The following PPARGC1A variants were observed in gnomAD, a reference collection of about 807,000 sequenced individuals.
PPARGC1A encodes peroxisome proliferator-activated receptor gamma coactivator 1-alpha.
In PPARGC1A, 25 loss-of-function variants were observed where a neutral mutation model predicts 88.7. The observed-to-expected ratio is 0.28, with a 90% CI of 0.21 to 0.39. The LOEUF (loss-of-function observed/expected upper bound fraction) is 0.39. PPARGC1A is among the 10% of genes least tolerant of loss of function. The pLI, the probability that PPARGC1A is intolerant of heterozygous loss-of-function variation, is 1.00. For synonymous variants in PPARGC1A, 363 were observed against 355.6 expected (o/e 1.02, Z -0.24); for missense variants, 880 against 968.7 (o/e 0.91, Z 1.22).
the PPARGC1A span, among the ~76,000 whole-genome samples, chr4:24,042,108 T>A: frequency 1.3e-5 from 2 of 152,180 alleles, no homozygotes; most frequent in East Asian, 3.9e-4. Context: ...TCAAGTGCCA[T>A]CTGGACAACT....
intron 1 of PPARGC1A, among the ~76,000 whole-genome samples, chr4:23,887,701 A>T (rs377498686): frequency 6.6e-6 from 1 of 152,334 alleles, no homozygotes; most frequent in East Asian, 1.9e-4. Flanking sequence ...AATTAAGTAT[A>T]ATTCTCCATT....
chr4:24,027,221 GTGTGTC>G, the PPARGC1A span, among the ~76,000 whole-genome samples: 165 of 120,446 alleles, frequency 1.4e-3, 3 homozygotes, highest in African/African-American at 3.1e-3. Context: ...GTGTGTGTCT[GTGTGTC>G]TGTGTGTGTC....
the PPARGC1A span, among the ~76,000 whole-genome samples, chr4:24,326,880 T>C: frequency 6.6e-6 from 1 of 152,172 alleles, no homozygotes; most frequent in South Asian, 2.1e-4. Flanking sequence ...TTAATACTTT[T>C]AGAGGCCTTT....
the PPARGC1A span, among the ~76,000 whole-genome samples, chr4:23,948,390 G>T: frequency 6.6e-6 from 1 of 152,164 alleles, no homozygotes; most frequent in African/African-American, 2.4e-5. Flanking sequence ...TAAGACTCCT[G>T]TGTCATGCTT....
the PPARGC1A span, among the ~76,000 whole-genome samples, chr4:24,154,538 T>A: frequency 6.6e-6 from 1 of 152,304 alleles, no homozygotes; most frequent in African/African-American, 2.4e-5. Context: ...CAACTCAAAA[T>A]ACATGGCTAG....
At chr4:24,190,897 C>T in the PPARGC1A span, among the ~76,000 whole-genome samples, 1 of 152,096 alleles carries the variant, frequency 6.6e-6, no homozygotes, top group East Asian at 1.9e-4. Context: ...TCAGTTTGTC[C>T]TTCATTGGAA....
At chr4:24,273,218 A>G in the PPARGC1A span, among the ~76,000 whole-genome samples, 3 of 152,248 alleles carry the variant, frequency 2.0e-5, no homozygotes, top group African/African-American at 7.2e-5. Flanking sequence ...TGAGAAGAAT[A>G]AAACATTGCA....
chr4:24,241,428 C>T, the PPARGC1A span, among the ~76,000 whole-genome samples: 3 of 152,292 alleles, frequency 2.0e-5, no homozygotes, highest in Middle Eastern at 3.4e-3. Flanking sequence ...CCCAGTTGTT[C>T]CAAGCAAATA....
chr4:24,409,021 T>C, the PPARGC1A span, among the ~76,000 whole-genome samples: 1 of 152,230 alleles, frequency 6.6e-6, no homozygotes, highest in Non-Finnish European at 1.5e-5. Flanking sequence ...GGGGTAGAGT[T>C]AAAACAAGCT....
chr4:23,805,232 A>C (rs1379103643), intron 10 of PPARGC1A, among the ~76,000 whole-genome samples: 1 of 149,040 alleles, frequency 6.7e-6, no homozygotes, highest in Non-Finnish European at 1.5e-5. Context: ...TTATCACAGA[A>C]AAAAAAAAAA....
chr4:23,860,797 A>G (rs2148710878), intron 2 of PPARGC1A, among the ~76,000 whole-genome samples: 1 of 152,298 alleles, frequency 6.6e-6, no homozygotes, highest in Non-Finnish European at 1.5e-5. Context: ...ATGCAGGAAA[A>G]CACAAGGGCC....
the PPARGC1A span, among the ~76,000 whole-genome samples, chr4:24,120,239 G>C: frequency 6.6e-6 from 1 of 152,100 alleles, no homozygotes; most frequent in Non-Finnish European, 1.5e-5. Flanking sequence ...CGAGTCCCAG[G>C]GATGTCATGG....
chr4:24,326,583 C>A, the PPARGC1A span, among the ~76,000 whole-genome samples: 1 of 151,570 alleles, frequency 6.6e-6, no homozygotes, highest in Non-Finnish European at 1.5e-5. Context: ...CAAGGCTTCA[C>A]AGACAGCCCC....
chr4:24,224,004 C>G, the PPARGC1A span, among the ~76,000 whole-genome samples: 1 of 152,188 alleles, frequency 6.6e-6, no homozygotes, highest in South Asian at 2.1e-4. Flanking sequence ...GCTAAATGTT[C>G]TTATTGATGA....
the PPARGC1A span, among the ~76,000 whole-genome samples, chr4:23,932,149 G>T: frequency 5.3e-5 from 8 of 152,136 alleles, no homozygotes; most frequent in Non-Finnish European, 1.2e-4. Context: ...ACAAGTAAAA[G>T]TAATAATCAG....
At chr4:23,870,853 G>A (rs1713166471) in intron 2 of PPARGC1A, among the ~76,000 whole-genome samples, 1 of 151,242 alleles carries the variant, frequency 6.6e-6, no homozygotes, top group African/African-American at 2.4e-5. Context: ...ACTATCTATG[G>A]AACATACATC....
the PPARGC1A span, among the ~76,000 whole-genome samples, chr4:24,134,179 A>G: frequency 6.6e-6 from 1 of 152,228 alleles, no homozygotes; most frequent in Non-Finnish European, 1.5e-5. Context: ...TTTGCTTTTC[A>G]TTAAATTGCA....
At chr4:24,244,758 A>G in the PPARGC1A span, among the ~76,000 whole-genome samples, 1 of 152,214 alleles carries the variant, frequency 6.6e-6, no homozygotes, top group Admixed American at 6.5e-5. Flanking sequence ...ACATCCTACA[A>G]TTCACAGACA....
chr4:24,247,967 C>CAAAAG, the PPARGC1A span, among the ~76,000 whole-genome samples: 1 of 152,214 alleles, frequency 6.6e-6, no homozygotes, highest in East Asian at 1.9e-4. Context: ...GTTTCCCTTC[C>CAAAAG]CTTTCCAAAA....
Sources: gnomAD v4.1 joint callset for allele counts (sites outside exome capture counted in the v4.1 genomes callset) on GRCh38, gnomAD v4.1.1 for gene constraint, MANE v1.5 for transcripts, NCBI Gene and HGNC (gene_info 2026-07-23, HGNC 2026-07-21) for gene names.